CYP27A1: variants seen among roughly 807,000 people sequenced by gnomAD.
CYP27A1 encodes the protein sterol 26-hydroxylase, mitochondrial.
A neutral mutation model predicts 58.2 loss-of-function variants in CYP27A1; 46 were observed. The ratio of observed to expected loss-of-function variants is 0.79; its 90% CI spans 0.62 to 1.01. The LOEUF (loss-of-function observed/expected upper bound fraction) is 1.01. Ranked by LOEUF, CYP27A1 falls within the 50% of genes least tolerant of loss-of-function variation. The probability of loss-of-function intolerance (pLI) is 0.00; values close to 1 mark genes in which losing one functional copy is unlikely to be tolerated. For synonymous variants in CYP27A1, 274 were observed against 285.1 expected, an observed-to-expected ratio of 0.96 and a Z score of 0.39; for missense variants, 704 against 687.0, an observed-to-expected ratio of 1.02 and a Z score of -0.28.
chr2:218,785,703 C>T (rs1234034947), intron 1 of CYP27A1, among the ~76,000 whole-genome samples: 1 of 152,064 alleles, frequency 6.6e-6, no homozygotes, highest in African/African-American at 2.4e-5. Context: ...TCCCAAAGAT[C>T]TTGGGGCACA....
chr2:218,813,018 CT>C lies in CYP27A1; in HGVS notation c.941del (p.Leu314TyrfsTer31). Reference protein sequence around the residue: ...GIQVSGYLHFLLASGQLSPRE... With the variant: ...GIQVSGYLHFXLASGQLSPRE... Reference sequence around the variant, plus strand: ...TCCAGGTGTCTGGCTACCTGCACTTCTTACTGGCCAGTGGACAGCTCAGTCC... The same window carrying C: ...TCCAGGTGTCTGGCTACCTGCACTTCTACTGGCCAGTGGACAGCTCAGTCC... On this transcript the variant is annotated frameshift_variant, in exon 5 of 9. Coordinates refer to ENST00000258415, the MANE Select transcript of CYP27A1 (RefSeq NM_000784.4). LOFTEE classifies it high-confidence loss of function. The C allele has an allele frequency of 6.2e-7, 1 of 1,614,250 alleles. No homozygotes were observed. The highest frequency in any genetic ancestry group is 2.2e-5 in the East Asian group (1 of 44,884).
At chr2:218,811,290 T>C (rs1161390483) in intron 2 of CYP27A1, among the ~76,000 whole-genome samples, 1 of 152,244 alleles carries the variant, frequency 6.6e-6, no homozygotes, top group African/African-American at 2.4e-5. Flanking sequence ...TTGTTGTGTA[T>C]TCTCCCCTCT....
At chr2:218,783,551 C>T (rs959280273) in intron 1 of CYP27A1, among the ~76,000 whole-genome samples, 1 of 152,162 alleles carries the variant, frequency 6.6e-6, no homozygotes, top group African/African-American at 2.4e-5. Flanking sequence ...GGCATGGTTC[C>T]AAGTACTGGG....
intron 1 of CYP27A1, among the ~76,000 whole-genome samples, chr2:218,808,849 T>C (rs1943678825): frequency 6.6e-6 from 1 of 152,312 alleles, no homozygotes; most frequent in South Asian, 2.1e-4. Flanking sequence ...ATAGAGGCCG[T>C]GGATATCTAT....
intron 1 of CYP27A1, chr2:218,806,152 A>G (rs1943648734): frequency 1.3e-5 from 2 of 152,380 alleles, no homozygotes; most frequent in South Asian, 4.1e-4. Flanking sequence ...GTTTACCACC[A>G]TTGAGATAAC....
At chr2:218,793,981 C>G (rs1943521725) in intron 1 of CYP27A1, among the ~76,000 whole-genome samples, 1 of 152,106 alleles carries the variant, frequency 6.6e-6, no homozygotes, top group African/African-American at 2.4e-5. Context: ...GTCACACAAC[C>G]AGGAAAGATT....
At chr2:218,799,589 T>C (rs1943579743) in intron 1 of CYP27A1, among the ~76,000 whole-genome samples, 1 of 152,188 alleles carries the variant, frequency 6.6e-6, no homozygotes, top group African/African-American at 2.4e-5. Context: ...AAAAACTTGC[T>C]TGCCTGACTT....
In CYP27A1 at chr2:218,809,577, G is replaced by A. The variant is rs200604732; in HGVS notation, c.256G>A (p.Val86Met). ...ATTCAGTTTTGATTGAACTCCACAG[G>A]TGCTTTACAAGGCCAAGTACGGTCC... ...GYALQLHQLQ[V>M]LYKAKYGPMW... Residue 86 changes from valine (V) to methionine (M), a missense_variant and splice_region_variant, in exon 2 of 9, where the codon GTG (valine) becomes ATG (methionine). By Grantham distance (21) the Val-to-Met change is conservative (BLOSUM62 1). Coordinates refer to ENST00000258415, the MANE Select transcript of CYP27A1 (RefSeq NM_000784.4). The A allele has an allele frequency of 8.7e-4, 1,395 of 1,612,366 alleles. 23 individuals carry two copies. In the South Asian group the frequency reaches 0.013, roughly 16 times the overall value.
intron 1 of CYP27A1, among the ~76,000 whole-genome samples, chr2:218,800,844 C>T (rs1215380596): frequency 6.6e-6 from 1 of 152,048 alleles, no homozygotes; most frequent in East Asian, 1.9e-4. Context: ...AAAAGCATAC[C>T]ATATGCTCTC....
chr2:218,812,346 C>G lies in CYP27A1; in HGVS notation c.571C>G (p.Gln191Glu). The G allele has an allele frequency of 6.2e-7, 1 of 1,614,216 alleles. No individual in the cohort carries two copies. Among genetic ancestry groups the G allele is most frequent in the Non-Finnish European group, 8.5e-7 (1 of 1,180,030 alleles). The change falls in exon 3 of 9, where the codon CAG (glutamine) becomes GAG (glutamate). Residue 191 changes from glutamine (Q) to glutamate (E), a missense_variant. By Grantham distance (29) the Gln-to-Glu change is conservative. Coordinates refer to ENST00000258415, the MANE Select transcript of CYP27A1 (RefSeq NM_000784.4). Reference protein sequence around the residue: ...VIDDFMTRLDQLRAESASGNQ... With the variant: ...VIDDFMTRLDELRAESASGNQ... The stretch of plus-strand genomic sequence containing the variant: ...TGATGACTTTATGACTCGACTGGAC[C>G]AGCTGCGGGCAGAGAGTGCTTCGGG...
chr2:218,804,326 C>T (rs1173884026), intron 1 of CYP27A1, among the ~76,000 whole-genome samples: 3 of 152,140 alleles, frequency 2.0e-5, no homozygotes, highest in Admixed American at 2.0e-4. Flanking sequence ...ATGGTCTGTG[C>T]ACCCTTGTCA....
At chr2:218,812,815 G>T in intron 4 of CYP27A1, 66 bp downstream of exon 4, 1 of 1,605,988 alleles carries the variant, frequency 6.2e-7, no homozygotes, top group Non-Finnish European at 8.5e-7. Context: ...TGCATCAGCG[G>T]TCTCTCCCAG....
At chr2:218,796,944 A>G (rs75697021) in intron 1 of CYP27A1, among the ~76,000 whole-genome samples, 4,430 of 152,312 alleles carry the variant, frequency 0.029, 196 homozygotes, top group African/African-American at 0.097. Flanking sequence ...TCAAAGTCCT[A>G]TAGCTTACTA....
At chr2:218,809,893 C>A in intron 2 of CYP27A1, 126 bp downstream of exon 2, 2 of 839,594 alleles carry the variant, frequency 2.4e-6, no homozygotes, top group Non-Finnish European at 3.7e-6. Flanking sequence ...GCCTGATGGT[C>A]TAGAGAGCAG....
intron 3 of CYP27A1, 61 bp downstream of exon 3, chr2:218,812,482 C>G: frequency 6.2e-7 from 1 of 1,608,558 alleles, no homozygotes; most frequent in Non-Finnish European, 8.5e-7. Context: ...TGTGCTCCCT[C>G]TCCTCAAGGG....
At chr2:218,785,887 CT>C (rs1943436225) in intron 1 of CYP27A1, among the ~76,000 whole-genome samples, 1 of 152,194 alleles carries the variant, frequency 6.6e-6, no homozygotes, top group Admixed American at 6.5e-5. Context: ...GCCACTCAAA[CT>C]GGCTCAAACT....
Position 218,813,106 on chromosome 2 carries a change from G to C in CYP27A1, c.1017+10G>C. On this transcript the variant is annotated intron_variant, in intron 5 of 8. Coordinates refer to ENST00000258415, the MANE Select transcript of CYP27A1 (RefSeq NM_000784.4). ...GGCTGGAGTGGACACGGTGCGTGAA[G>C]GGGGAGGGTGAGACCAGGGGCCCCC... 6.2e-7 allele frequency: 1 copy of C among 1,602,548 alleles called. No individual in the cohort carries two copies. The highest frequency in any genetic ancestry group is 8.5e-7 in the Non-Finnish European group (1 of 1,173,208).
intron 5 of CYP27A1, among the ~76,000 whole-genome samples, chr2:218,813,355 C>G (rs1044079869): frequency 2.0e-5 from 3 of 152,180 alleles, no homozygotes; most frequent in African/African-American, 7.2e-5. Flanking sequence ...GGAAGTACAT[C>G]TCCCATCTAT....
In CYP27A1 at chr2:218,782,680, C is replaced by G. The variant is rs550627688; in HGVS notation, c.255+243C>G. 6.6e-6 allele frequency among the ~76,000 whole-genome samples: 1 copy of G among 152,264 alleles called. No homozygotes were observed. The highest frequency in any genetic ancestry group is 1.5e-5 in the Non-Finnish European group (1 of 68,030). On this transcript the variant is annotated intron_variant, in intron 1 of 8. Coordinates refer to ENST00000258415, the MANE Select transcript of CYP27A1 (RefSeq NM_000784.4). This position sits in a 1 kb window ranked among gnomAD's most constrained non-coding sequence, Gnocchi z 4.1. ...AGGACGGCACCAGTAAGGGGGGGAT[C>G]TGGACGCCGGACTTACAGTGAGCAG... is the stretch of plus-strand genomic sequence containing the variant.
Sources: gnomAD v4.1 joint callset for allele counts (sites outside exome capture counted in the v4.1 genomes callset) on GRCh38, gnomAD v4.1.1 for gene constraint, Gnocchi (gnomAD v3.1) non-coding constraint, MANE v1.5 for transcripts, NCBI Gene and HGNC (gene_info 2026-07-23, HGNC 2026-07-21) for gene names.